Variants in SLC7A8 observed in about 807,000 individuals in gnomAD.
SLC7A8 encodes large neutral amino acids transporter small subunit 2.
Under a neutral mutation model 51.2 loss-of-function variants are expected in SLC7A8, and 30 were observed. The ratio of observed to expected loss-of-function variants is 0.59; its 90% CI spans 0.44 to 0.80. The LOEUF (loss-of-function observed/expected upper bound fraction) is 0.80, where lower values mean the gene tolerates loss of function less well. Ranked by LOEUF, SLC7A8 falls within the 30% of genes least tolerant of loss-of-function variation. The probability of loss-of-function intolerance (pLI) is 0.00; values close to 1 mark genes in which losing one functional copy is unlikely to be tolerated. For missense variants in SLC7A8, 612 were observed against 674.4 expected, an observed-to-expected ratio of 0.91 and a Z score of 1.03; for synonymous variants, 257 against 275.8, an observed-to-expected ratio of 0.93 and a Z score of 0.67.
chr14:23,160,942 C>T (rs58255403), intron 3 of SLC7A8, among the ~76,000 whole-genome samples: 1 of 73,666 alleles, frequency 1.4e-5, no homozygotes, highest in South Asian at 4.3e-4. Context: ...ATGTAAAATA[C>T]TTTCTCTCTC....
chr14:23,166,952 T>C (rs1299588796), intron 1 of SLC7A8, among the ~76,000 whole-genome samples: 1 of 152,158 alleles, frequency 6.6e-6, no homozygotes, highest in Admixed American at 6.5e-5. Context: ...TGACAAGGCC[T>C]TCAAGACTCT....
At chr14:23,140,851 T>G (rs2140312819) in intron 4 of SLC7A8, among the ~76,000 whole-genome samples, 1 of 152,344 alleles carries the variant, frequency 6.6e-6, no homozygotes, top group South Asian at 2.1e-4. Context: ...AGGGTTTAAG[T>G]GCCGTTCTGA....
rs563345880 is a variant in SLC7A8, at chr14:23,143,316, G to A, written c.509-112C>T. 1,719 of 1,442,838 alleles carry A rather than the reference G, an allele frequency of 1.2e-3. 4 individuals are homozygous for A. Among genetic ancestry groups the A allele is most frequent in the Middle Eastern group, 3.8e-3 (15 of 3,948 alleles). 89.4% of individuals were successfully genotyped at this position (1,442,838 alleles called of 1,614,324 possible). On this transcript the variant is annotated intron_variant, in intron 3 of 10. Coordinates refer to ENST00000316902, the MANE Select transcript of SLC7A8 (RefSeq NM_012244.4). ...TCCTGACGATGACATTGTAGTAGGT[G>A]AGCCAGACATCCAGCAAGCTCAACC...
At chr14:23,179,796 C>G (rs949326905) in intron 1 of SLC7A8, among the ~76,000 whole-genome samples, 1 of 151,676 alleles carries the variant, frequency 6.6e-6, no homozygotes, top group Non-Finnish European at 1.5e-5. Context: ...GGCAACACAG[C>G]GAGACACTGT....
chr14:23,139,280 T>G, intron 6 of SLC7A8, 144 bp downstream of exon 6: 1 of 1,274,404 alleles, frequency 7.8e-7, no homozygotes, highest in South Asian at 1.2e-5. Flanking sequence ...CCCCAGCCAA[T>G]GACATATGTG....
At position 23,131,547 on chromosome 14, in the gene SLC7A8, C is replaced by A. The variant is rs146015199; in HGVS notation, c.1027G>T (p.Ala343Ser). ...SLFTSSRLFF[A>S]GAREGHLPSV... ...GGAAGGTGGCCCTCTCGGGCTCCAGCGAAGAACAGCCTGTCAGGGAGAAAA... is the reference window on the plus strand; with the variant it reads ...GGAAGGTGGCCCTCTCGGGCTCCAGAGAAGAACAGCCTGTCAGGGAGAAAA... Residue 343 changes from alanine (A) to serine (S), a missense_variant, in exon 8 of 11, where the codon GCT becomes TCT. Ala to Ser is a moderately conservative substitution (Grantham distance 99). Transcript: ENST00000316902. 33 of 1,603,212 alleles carry A rather than the reference C, an allele frequency of 2.1e-5. No homozygotes were observed. The highest frequency in any genetic ancestry group is 2.7e-5 in the Non-Finnish European group (32 of 1,175,370).
intron 3 of SLC7A8, among the ~76,000 whole-genome samples, chr14:23,157,529 T>G (rs2048900320): frequency 6.6e-6 from 1 of 152,202 alleles, no homozygotes; most frequent in South Asian, 2.1e-4. Flanking sequence ...CCCATGAGGC[T>G]TTTCATGATG....
Position 23,145,397 on chromosome 14 carries a change from C to T in SLC7A8, c.509-2193G>A, listed in dbSNP as rs564214483. Among the ~76,000 whole-genome samples the T allele has an allele frequency of 4.4e-4, 66 of 151,328 alleles. No homozygotes were observed. In the South Asian group the frequency reaches 5.0e-3, roughly 12 times the overall value. On this transcript the variant is annotated intron_variant, in intron 3 of 10. Coordinates refer to ENST00000316902, the MANE Select transcript of SLC7A8 (RefSeq NM_012244.4). The stretch of plus-strand genomic sequence containing the variant: ...AAAAATTAGCTGGGCGTGGTGGTGG[C>T]GCGCCTGTAATCCCAGCTACTCAGG...
intron 3 of SLC7A8, among the ~76,000 whole-genome samples, chr14:23,151,749 TAAAAA>T (rs60024939): frequency 9.9e-6 from 1 of 100,896 alleles, no homozygotes. Flanking sequence ...CCCTGTCTCT[TAAAAA>T]AAAAAAAAAA....
chr14:23,179,029 A>G (rs925463625), intron 1 of SLC7A8, among the ~76,000 whole-genome samples: 3 of 149,766 alleles, frequency 2.0e-5, no homozygotes, highest in Non-Finnish European at 3.0e-5. Context: ...TCATAGTTCA[A>G]TTTTTTTTTA....
Position 23,140,488 on chromosome 14 carries a change from C to T in SLC7A8, c.771G>A (p.Glu257=), listed in dbSNP as rs1428818639. 2 of 1,612,636 alleles carry T rather than the reference C, an allele frequency of 1.2e-6. No individual in the cohort carries two copies. The highest frequency in any genetic ancestry group is 3.3e-5 in the Admixed American group (2 of 59,978). ...CAACTCACTTGTAGGGATCAACAAG[C>T]TCCTCAGTCACGTAATTCAGAAAGT... ...GWNFLNYVTE[E]LVDPYKNLPR... is the part of the protein sequence containing the mutation. Residue 257 remains glutamate (E), a synonymous_variant, in exon 5 of 11, where the codon GAG becomes GAA. Coordinates refer to ENST00000316902, the MANE Select transcript of SLC7A8 (RefSeq NM_012244.4).
chr14:23,169,162 G>A (rs2048963922), intron 1 of SLC7A8, among the ~76,000 whole-genome samples: 1 of 152,116 alleles, frequency 6.6e-6, no homozygotes. Context: ...CAGCCTGGGC[G>A]ATATAGGGAG....
At chr14:23,148,463 G>C (rs572502664) in intron 3 of SLC7A8, among the ~76,000 whole-genome samples, 1 of 152,182 alleles carries the variant, frequency 6.6e-6, no homozygotes, top group East Asian at 1.9e-4. Flanking sequence ...CCTGAACTCA[G>C]GTGATCCACC....
At chr14:23,157,412 A>G (rs1235337856) in intron 3 of SLC7A8, among the ~76,000 whole-genome samples, 2 of 152,170 alleles carry the variant, frequency 1.3e-5, no homozygotes, top group Non-Finnish European at 2.9e-5. Context: ...TCCATCCTTT[A>G]GCTTTGCAGC....
intron 3 of SLC7A8, among the ~76,000 whole-genome samples, chr14:23,146,032 C>G (rs2048790686): frequency 6.6e-6 from 1 of 152,170 alleles, no homozygotes. Context: ...GGATCATGTG[C>G]CTGGTGACAA....
chr14:23,162,611 G>A (rs1172411925), intron 3 of SLC7A8, among the ~76,000 whole-genome samples: 2 of 152,196 alleles, frequency 1.3e-5, no homozygotes, highest in Admixed American at 1.3e-4. Context: ...CAGTGTCTAG[G>A]TGAGGGGAAG....
rs901749668 is a variant in SLC7A8 at position 23,143,213 on chromosome 14, A to G, written c.509-9T>C. On this transcript the variant is annotated splice_polypyrimidine_tract_variant and intron_variant, in intron 3 of 10. Transcript: ENST00000316902. ...GACCCATGTGAGGAGCACTGAAATG[A>G]AAGACCCCCAAACAGACCTTCAGGG... 2 of 1,614,078 alleles carry G rather than the reference A, an allele frequency of 1.2e-6. No individual in the cohort carries two copies. The highest frequency in any genetic ancestry group is 1.3e-5 in the African/African-American group (1 of 75,060).
rs1316494241 is a variant in SLC7A8 at position 23,161,799 on chromosome 14, T to C, written c.508+3486A>G. On this transcript the variant is annotated intron_variant, in intron 3 of 10. Coordinates refer to ENST00000316902, the MANE Select transcript of SLC7A8 (RefSeq NM_012244.4). Reference sequence around the variant, plus strand: ...AAAATTAGCTGGGCATGGTGGCTTATGCCTGTAATCCCAGCAACCTGGAAG... The same window carrying C: ...AAAATTAGCTGGGCATGGTGGCTTACGCCTGTAATCCCAGCAACCTGGAAG... 7.2e-5 allele frequency among the ~76,000 whole-genome samples: 11 copies of C among 151,874 alleles called. No individual in the cohort carries two copies. In the South Asian group the frequency reaches 1.7e-3, roughly 23 times the overall value.
intron 3 of SLC7A8, among the ~76,000 whole-genome samples, chr14:23,158,809 C>T (rs2048907208): frequency 6.6e-6 from 1 of 152,198 alleles, no homozygotes. Context: ...TGTCATCTCT[C>T]CATCCTTGTT....
Sources: gnomAD v4.1 joint callset for allele counts (sites outside exome capture counted in the v4.1 genomes callset) on GRCh38, gnomAD v4.1.1 for gene constraint, MANE v1.5 for transcripts, NCBI Gene and HGNC (gene_info 2026-07-23, HGNC 2026-07-21) for gene names.